The following ROBO2 variants were observed in gnomAD, a reference collection of about 807,000 sequenced individuals.
ROBO2 encodes roundabout guidance receptor 2.
In ROBO2, 53 loss-of-function variants were observed where a neutral mutation model predicts 160.8. The ratio of observed to expected loss-of-function variants is 0.33; its 90% confidence interval spans 0.26 to 0.41. The LOEUF (loss-of-function observed/expected upper bound fraction) is 0.41, where lower values mean the gene tolerates loss of function less well. Among genes scored for constraint, ROBO2 ranks in the 10% least tolerant of loss-of-function variants. The pLI is 1.00. For missense variants in ROBO2, 1,577 were observed against 1,722.4 expected (o/e 0.92, Z 1.49); for synonymous variants, 664 against 611.7 (o/e 1.09, Z -1.26).
chr3:77,490,246 G>A (rs969958067), intron 4 of ROBO2, among the ~76,000 whole-genome samples: 1 of 151,628 alleles, frequency 6.6e-6, no homozygotes, highest in African/African-American at 2.4e-5. Context: ...GACTACAGGT[G>A]CCCGCCACCG....
At chr3:76,080,152 G>A (rs1169024211) in intron 2 of ROBO2, among the ~76,000 whole-genome samples, 1 of 152,200 alleles carries the variant, frequency 6.6e-6, no homozygotes, top group Admixed American at 6.5e-5. Context: ...GTGAGGACCA[G>A]TAATTCTAAT....
At chr3:77,206,653 A>G (rs1294925385) in intron 2 of ROBO2, among the ~76,000 whole-genome samples, 1 of 152,078 alleles carries the variant, frequency 6.6e-6, no homozygotes, top group East Asian at 1.9e-4. Context: ...AAGATAATAT[A>G]TATTTTTAAA....
chr3:76,340,231 A>G (rs1225218518), intron 2 of ROBO2, among the ~76,000 whole-genome samples: 1 of 152,176 alleles, frequency 6.6e-6, no homozygotes, highest in Non-Finnish European at 1.5e-5. Context: ...AAGCAATTGC[A>G]TATTATTCTA....
chr3:76,272,955 T>A (rs1303937280), intron 2 of ROBO2, among the ~76,000 whole-genome samples: 1 of 24,964 alleles, frequency 4.0e-5, no homozygotes, highest in East Asian at 6.0e-4. Flanking sequence ...AAATATATAA[T>A]ATATATTTAT....
intron 2 of ROBO2, among the ~76,000 whole-genome samples, chr3:77,458,218 A>T (rs2081886555): frequency 6.6e-6 from 1 of 152,202 alleles, no homozygotes; most frequent in Admixed American, 6.5e-5. Flanking sequence ...TCACCAAAAC[A>T]TGTGGGCATA....
chr3:76,962,638 C>CAAAAA lies in ROBO2; in HGVS notation c.110-135375_110-135374insAAAAA, dbSNP rs1318082985. On this transcript the variant is annotated intron_variant, in intron 2 of 26. Coordinates refer to the ROBO2 transcript ENST00000487694. ...GGGCAACAAGAGTGAAACTCGATCT[C>CAAAAA]AGAAAAAAAAAAAAAAAAAAAAGCT... Among the ~76,000 whole-genome samples the CAAAAA allele has an allele frequency of 1.3e-3, 65 of 50,156 alleles. 6 individuals carry two copies. Among genetic ancestry groups the CAAAAA allele is most frequent in the East Asian group, 1.9e-3 (3 of 1,582 alleles). The allele number at this position is 50,156 out of a possible 152,430, so 32.9% of individuals were successfully genotyped here. A position where few individuals can be genotyped will look rare whatever the true frequency, so the allele number is the denominator to read the frequency against.
chr3:75,930,392 G>A (rs138994531), intron 1 of ROBO2, among the ~76,000 whole-genome samples: 12 of 152,116 alleles, frequency 7.9e-5, no homozygotes, highest in South Asian at 4.2e-4. Context: ...CTCAAATGTC[G>A]TAGTTCATTT....
At chr3:76,202,160 C>G (rs62270675) in intron 2 of ROBO2, among the ~76,000 whole-genome samples, 7 of 152,276 alleles carry the variant, frequency 4.6e-5, no homozygotes, top group Non-Finnish European at 1.0e-4. Flanking sequence ...ATATTTTCCA[C>G]ATATATCGTG....
At chr3:77,153,984 T>C (rs1181662395) in intron 2 of ROBO2, among the ~76,000 whole-genome samples, 1 of 152,118 alleles carries the variant, frequency 6.6e-6, no homozygotes, top group Non-Finnish European at 1.5e-5. Flanking sequence ...CTCCTTTCTA[T>C]ACACATTTAG....
chr3:76,423,704 G>T (rs1309802614), intron 2 of ROBO2, among the ~76,000 whole-genome samples: 1 of 152,066 alleles, frequency 6.6e-6, no homozygotes, highest in Non-Finnish European at 1.5e-5. Context: ...GAGGGAGGAG[G>T]TTAAAGCAAG....
At chr3:77,030,697 G>A (rs1433391187) in intron 2 of ROBO2, among the ~76,000 whole-genome samples, 1 of 152,102 alleles carries the variant, frequency 6.6e-6, no homozygotes, top group Non-Finnish European at 1.5e-5. Flanking sequence ...GCAATATACT[G>A]CCAACTCTTC....
chr3:77,611,748 C>G (rs542510592), intron 21 of ROBO2, among the ~76,000 whole-genome samples: 1 of 152,112 alleles, frequency 6.6e-6, no homozygotes, highest in East Asian at 1.9e-4. Context: ...AACAATTGCC[C>G]AAAGAAGAAA....
intron 5 of ROBO2, among the ~76,000 whole-genome samples, chr3:77,497,376 T>A (rs1201675020): frequency 6.6e-6 from 1 of 152,138 alleles, no homozygotes; most frequent in Non-Finnish European, 1.5e-5. Context: ...TGAAGCACAT[T>A]TTTAAAGCAT....
At chr3:76,509,240 G>A (rs911214930) in intron 2 of ROBO2, among the ~76,000 whole-genome samples, 2 of 152,148 alleles carry the variant, frequency 1.3e-5, no homozygotes, top group African/African-American at 4.8e-5. Flanking sequence ...ACTCTCAGTT[G>A]CAGGCAGCCC....
In ROBO2 at chr3:76,391,576, C is replaced by A. The variant is rs528879543; in HGVS notation, c.109+453974C>A. Among the ~76,000 whole-genome samples the A allele has an allele frequency of 6.6e-5, 10 of 151,718 alleles. No individual in the cohort carries two copies. The East Asian group carries it at 1.9e-3, about 29-fold the overall frequency. Reference sequence around the variant, plus strand: ...CATTGCCCAGGCTGGAGTGTGAGTGCAGTGGCACAATTTTGGTTCACTGCA... The same window carrying A: ...CATTGCCCAGGCTGGAGTGTGAGTGAAGTGGCACAATTTTGGTTCACTGCA... On this transcript the variant is annotated intron_variant, in intron 2 of 26. Coordinates refer to the ROBO2 transcript ENST00000487694.
intron 2 of ROBO2, among the ~76,000 whole-genome samples, chr3:77,350,549 G>A (rs1445187964): frequency 6.6e-6 from 1 of 152,078 alleles, no homozygotes; most frequent in Non-Finnish European, 1.5e-5. Flanking sequence ...ACAAAAGCAG[G>A]CTCTGAAGGA....
At chr3:77,536,233 A>G (rs1241958605) in intron 6 of ROBO2, among the ~76,000 whole-genome samples, 4 of 152,176 alleles carry the variant, frequency 2.6e-5, no homozygotes, top group Non-Finnish European at 4.4e-5. Flanking sequence ...GCCACAAAGA[A>G]GCAGGTGGGG....
chr3:76,774,426 T>C (rs900587344), intron 2 of ROBO2, among the ~76,000 whole-genome samples: 6 of 150,990 alleles, frequency 4.0e-5, no homozygotes, highest in African/African-American at 1.5e-4. Context: ...AGGTCAGTCT[T>C]TATAGAAATA....
intron 2 of ROBO2, among the ~76,000 whole-genome samples, chr3:76,348,588 G>A (rs1268830997): frequency 6.6e-6 from 1 of 151,998 alleles, no homozygotes; most frequent in East Asian, 1.9e-4. Context: ...GAACATCATG[G>A]CACAACCTGT....
Sources: gnomAD v4.1 joint callset for allele counts (sites outside exome capture counted in the v4.1 genomes callset) on GRCh38, gnomAD v4.1.1 for gene constraint, MANE v1.5 for transcripts, NCBI Gene and HGNC (gene_info 2026-07-23, HGNC 2026-07-21) for gene names.